The following SLC25A24 variants were observed in gnomAD, a reference collection of about 807,000 sequenced individuals.
The protein encoded by SLC25A24 is mitochondrial adenyl nucleotide antiporter SLC25A24.
A neutral mutation model predicts 60.7 loss-of-function variants in SLC25A24; 49 were observed. That is an observed-to-expected ratio of 0.81 (90% CI 0.64 to 1.02). SLC25A24 has a LOEUF of 1.02. Ranked by LOEUF, SLC25A24 falls within the 50% of genes least tolerant of loss-of-function variation. The pLI is 0.00. For synonymous variants in SLC25A24, 202 were observed against 200.6 expected, an observed-to-expected ratio of 1.01 and a Z score of -0.06; for missense variants, 564 against 586.3, an observed-to-expected ratio of 0.96 and a Z score of 0.39.
intron 3 of SLC25A24, among the ~76,000 whole-genome samples, chr1:108,172,012 T>G (rs531259874): frequency 1.3e-5 from 2 of 152,058 alleles, no homozygotes; most frequent in Non-Finnish European, 2.9e-5. Flanking sequence ...AATTGCATAG[T>G]CAAAGAATAA....
chr1:108,192,512 G>T (rs190180555), intron 1 of SLC25A24: 1 of 1,495,542 alleles, frequency 6.7e-7, no homozygotes, highest in Admixed American at 2.1e-5. Context: ...TTCCTCTAGA[G>T]ATTGAATGGC....
chr1:108,178,522 A>G (rs1379896169), intron 3 of SLC25A24, among the ~76,000 whole-genome samples: 3 of 152,050 alleles, frequency 2.0e-5, no homozygotes, highest in Admixed American at 6.5e-5. Context: ...ATAATAAAAA[A>G]CTAGAAATCA....
At chr1:108,177,769 G>A (rs892266009) in intron 3 of SLC25A24, among the ~76,000 whole-genome samples, 2 of 152,168 alleles carry the variant, frequency 1.3e-5, no homozygotes, top group Non-Finnish European at 2.9e-5. Context: ...AATTTTCAGT[G>A]TCACAATTTA....
chr1:108,184,558 C>G (rs983094522), intron 2 of SLC25A24, among the ~76,000 whole-genome samples: 1 of 152,186 alleles, frequency 6.6e-6, no homozygotes, highest in African/African-American at 2.4e-5. Flanking sequence ...TTTGAAGGAA[C>G]TTGCTTTGAA....
chr1:108,178,738 C>T (rs1333704555), intron 3 of SLC25A24, among the ~76,000 whole-genome samples: 1 of 151,540 alleles, frequency 6.6e-6, no homozygotes, highest in African/African-American at 2.4e-5. Context: ...GACGGGAACC[C>T]GGGAGGCGGA....
At chr1:108,178,433 T>C (rs966269406) in intron 3 of SLC25A24, among the ~76,000 whole-genome samples, 1 of 152,218 alleles carries the variant, frequency 6.6e-6, no homozygotes, top group Non-Finnish European at 1.5e-5. Context: ...CACCAGGGGA[T>C]ATCATATGTT....
At chr1:108,156,352 C>A (rs1178976999) in intron 5 of SLC25A24, among the ~76,000 whole-genome samples, 1 of 152,104 alleles carries the variant, frequency 6.6e-6, no homozygotes, top group East Asian at 1.9e-4. Context: ...CCAGAGAAAT[C>A]CATTTTATTT....
intron 6 of SLC25A24, among the ~76,000 whole-genome samples, chr1:108,153,979 T>C (rs959735804): frequency 6.6e-6 from 1 of 152,012 alleles, no homozygotes; most frequent in Non-Finnish European, 1.5e-5. Context: ...TAGCCCTTAA[T>C]AATCATGATT....
intron 6 of SLC25A24, among the ~76,000 whole-genome samples, chr1:108,148,748 C>T (rs1679676938): frequency 6.6e-6 from 1 of 152,198 alleles, no homozygotes; most frequent in Non-Finnish European, 1.5e-5. Context: ...AAATAAATTT[C>T]CGTTGTTGAT....
chr1:108,139,042 G>C lies in SLC25A24; in HGVS notation c.1249+16C>G. ...GCAGCACTTTTATCGGTGTGGTTCT[G>C]TAATCAAAAATTCACCTTGAGCCTG... On this transcript the variant is annotated intron_variant, in intron 9 of 9. Coordinates refer to ENST00000565488, the MANE Select transcript of SLC25A24 (RefSeq NM_013386.5). 6.4e-7 allele frequency: 1 copy of C among 1,560,364 alleles called. No homozygotes were observed. Among genetic ancestry groups the C allele is most frequent in the South Asian group, 1.2e-5 (1 of 81,196 alleles).
At chr1:108,165,111 A>G (rs1095995) in intron 3 of SLC25A24, among the ~76,000 whole-genome samples, 110,188 of 143,560 alleles carry the variant, frequency 0.77, 42,858 homozygotes, top group African/African-American at 0.88. Flanking sequence ...TTTTGAGTGA[A>G]ATTCTTAATC....
intron 7 of SLC25A24, among the ~76,000 whole-genome samples, chr1:108,144,697 T>C (rs1296761067): frequency 6.6e-6 from 1 of 152,206 alleles, no homozygotes; most frequent in Admixed American, 6.5e-5. Context: ...TTTCTGTTCC[T>C]GTGTTAGGTT....
intron 1 of SLC25A24, among the ~76,000 whole-genome samples, chr1:108,196,239 T>C (rs1430835999): frequency 1.3e-5 from 2 of 152,130 alleles, no homozygotes; most frequent in Non-Finnish European, 2.9e-5. Flanking sequence ...AGGTTACCAG[T>C]CCACCCACTC....
chr1:108,175,561 G>C (rs1056661616), intron 3 of SLC25A24, among the ~76,000 whole-genome samples: 1 of 152,052 alleles, frequency 6.6e-6, no homozygotes, highest in Non-Finnish European at 1.5e-5. Context: ...CAGGCATTGT[G>C]GTACAATGCC....
intron 1 of SLC25A24, among the ~76,000 whole-genome samples, chr1:108,195,363 G>A (rs1648462759): frequency 6.6e-6 from 1 of 152,190 alleles, no homozygotes; most frequent in South Asian, 2.1e-4. Flanking sequence ...AGGGAATATG[G>A]CATGTTGGGA....
At chr1:108,159,820 T>G (rs964614038) in intron 4 of SLC25A24, among the ~76,000 whole-genome samples, 1 of 151,486 alleles carries the variant, frequency 6.6e-6, no homozygotes, top group African/African-American at 2.4e-5. Context: ...GGCAGAAGAA[T>G]TTTTCTTAGT....
At chr1:108,139,312 A>G in intron 8 of SLC25A24, 104 bp from the exon 9 acceptor site, 6 of 1,213,938 alleles carry the variant, frequency 4.9e-6, no homozygotes, top group Non-Finnish European at 6.8e-6. Context: ...TTTCTGCAGG[A>G]TGAGGCCACG....
Position 108,200,278 on chromosome 1 carries a change from G to T in SLC25A24, c.-140C>A. ...TTGGGGCGCCGTCGGGGTTGCGGCT[G>T]CGGCGCGCAGGGCGCAGGGCGCAGG... is the stretch of plus-strand genomic sequence containing the variant. On this transcript the variant is annotated 5_prime_UTR_variant, in exon 1 of 10. Coordinates refer to ENST00000565488, the MANE Select transcript of SLC25A24 (RefSeq NM_013386.5). 1 of 743,762 alleles carries T rather than the reference G, an allele frequency of 1.3e-6. No individual in the cohort carries two copies. The allele number at this position is 743,762 out of a possible 1,614,324, so 46.1% of individuals were successfully genotyped here.
intron 3 of SLC25A24, among the ~76,000 whole-genome samples, chr1:108,175,181 T>C (rs867602165): frequency 1.4e-4 from 21 of 152,310 alleles, no homozygotes; most frequent in Middle Eastern, 6.8e-3. Context: ...ATAGTTCCAA[T>C]AATCCCCACA....
Sources: allele counts gnomAD v4.1 joint callset (sites outside exome capture counted in the v4.1 genomes callset), GRCh38; gene constraint gnomAD v4.1.1; transcripts MANE v1.5; gene names NCBI Gene and HGNC (gene_info 2026-07-23, HGNC 2026-07-21).